The following BABAM2 variants were observed in gnomAD, a reference collection of about 807,000 sequenced individuals.
The protein encoded by BABAM2 is BRISC and BRCA1-A complex member 2.
In BABAM2, 31 loss-of-function variants were observed where a neutral mutation model predicts 54.7. The ratio of observed to expected loss-of-function variants is 0.57; its 90% confidence interval spans 0.43 to 0.77. BABAM2 has a LOEUF of 0.77. BABAM2 is among the 30% of genes least tolerant of loss of function. The pLI is 0.00. For missense variants in BABAM2, 364 were observed against 455.8 expected (o/e 0.80, Z 1.83); for synonymous variants, 167 against 162.9 (o/e 1.03, Z -0.19).
At chr2:28,258,675 G>A (rs1233759204) in intron 10 of BABAM2, among the ~76,000 whole-genome samples, 7 of 134,602 alleles carry the variant, frequency 5.2e-5, no homozygotes, top group South Asian at 2.4e-4. Flanking sequence ...GTGCAGTGGC[G>A]CCATCAGGCT....
chr2:27,972,858 C>G (rs908131910), intron 3 of BABAM2, among the ~76,000 whole-genome samples: 1 of 151,012 alleles, frequency 6.6e-6, no homozygotes, highest in Non-Finnish European at 1.5e-5. Flanking sequence ...CCTCCACCTC[C>G]CAGGTTCAAG....
chr2:28,021,921 C>G (rs1004609899), intron 4 of BABAM2, among the ~76,000 whole-genome samples: 23 of 152,068 alleles, frequency 1.5e-4, no homozygotes, highest in Admixed American at 1.2e-3. Flanking sequence ...TATAGGTATC[C>G]TCGCGCATGT....
In BABAM2 at chr2:27,995,386, A is replaced by G. The variant is rs1458502978; in HGVS notation, c.300+7299A>G. Among the ~76,000 whole-genome samples the G allele has an allele frequency of 6.6e-6, 1 of 152,128 alleles. No individual in the cohort carries two copies. Among genetic ancestry groups the G allele is most frequent in the Admixed American group, 6.5e-5 (1 of 15,268 alleles). ...ACTGTTCCTCCATCACTCTCTGTTG[A>G]CAAGCTGAACACTGCACCCACTGGC... On this transcript the variant is annotated intron_variant, in intron 4 of 11. Coordinates refer to ENST00000379624, the MANE Select transcript of BABAM2 (RefSeq NM_199191.3). This position sits in a 1 kb window ranked among gnomAD's most constrained non-coding sequence, Gnocchi z 4.1.
chr2:28,228,865 G>C (rs1200818376), intron 7 of BABAM2, among the ~76,000 whole-genome samples: 3 of 152,176 alleles, frequency 2.0e-5, no homozygotes, highest in African/African-American at 7.2e-5. Context: ...AGGCTTGTTT[G>C]AGATGTTAAC....
intron 7 of BABAM2, among the ~76,000 whole-genome samples, chr2:28,131,055 A>T (rs1457911131): frequency 2.7e-4 from 3 of 10,998 alleles, no homozygotes; most frequent in Non-Finnish European, 4.2e-4. Flanking sequence ...AGAGTGTTTT[A>T]TTATTATTAT....
intron 3 of BABAM2, 71 bp from the exon 4 acceptor site, chr2:27,987,922 C>T: frequency 4.7e-6 from 6 of 1,283,818 alleles, no homozygotes; most frequent in South Asian, 4.2e-5. Context: ...AGAAGTTTTT[C>T]TGATACAGTC....
At chr2:28,180,884 A>T (rs1675554643) in intron 7 of BABAM2, among the ~76,000 whole-genome samples, 1 of 152,226 alleles carries the variant, frequency 6.6e-6, no homozygotes, top group African/African-American at 2.4e-5. Flanking sequence ...ATCATCAGGA[A>T]AATGAAAATC....
At chr2:28,202,968 A>C (rs1467308513) in intron 7 of BABAM2, among the ~76,000 whole-genome samples, 1 of 152,088 alleles carries the variant, frequency 6.6e-6, no homozygotes, top group Non-Finnish European at 1.5e-5. Context: ...CCACCCCCCC[A>C]CAGAAAGAAT....
rs1022167441 is a variant in BABAM2 at position 28,329,020 on chromosome 2, C to G, written c.1089-9430C>G. Among the ~76,000 whole-genome samples the G allele has an allele frequency of 2.0e-5, 3 of 152,294 alleles. No homozygotes were observed. The highest frequency in any genetic ancestry group is 7.2e-5 in the African/African-American group (3 of 41,566). On this transcript the variant is annotated intron_variant, in intron 11 of 11. Coordinates refer to ENST00000379624, the MANE Select transcript of BABAM2 (RefSeq NM_199191.3). This position sits in a 1 kb window ranked among gnomAD's most constrained non-coding sequence, Gnocchi z 4.2. ...ATTGTAATTCCAGTAGGAAAGAACC[C>G]TTTAGATGAGACTTCGTTGAACAAA...
intron 7 of BABAM2, among the ~76,000 whole-genome samples, chr2:28,139,020 C>T (rs1401588559): frequency 6.6e-6 from 1 of 152,194 alleles, no homozygotes; most frequent in Non-Finnish European, 1.5e-5. Flanking sequence ...GCCCACCACA[C>T]TCACAGCCTG....
intron 6 of BABAM2, among the ~76,000 whole-genome samples, chr2:28,056,530 G>A (rs1678440591): frequency 1.3e-5 from 2 of 151,846 alleles, no homozygotes; most frequent in Non-Finnish European, 2.9e-5. Context: ...GAATGTAGGT[G>A]TATCTCAAAT....
chr2:28,075,494 G>A (rs1416902781), intron 6 of BABAM2, among the ~76,000 whole-genome samples: 2 of 152,036 alleles, frequency 1.3e-5, no homozygotes, highest in Admixed American at 1.3e-4. Flanking sequence ...AAATTTCAAA[G>A]TATGGCCTCT....
intron 3 of BABAM2, among the ~76,000 whole-genome samples, chr2:27,980,590 G>C (rs1191072890): frequency 6.6e-6 from 1 of 152,198 alleles, no homozygotes; most frequent in Non-Finnish European, 1.5e-5. Context: ...GTTGAAGGTA[G>C]GAGCCTGAGA....
intron 4 of BABAM2, among the ~76,000 whole-genome samples, chr2:28,001,780 A>G (rs1420172371): frequency 6.6e-6 from 1 of 152,034 alleles, no homozygotes; most frequent in East Asian, 1.9e-4. Context: ...CACTTCTTCA[A>G]ACAATCAGAT....
chr2:28,175,121 C>T (rs1009505091), intron 7 of BABAM2, among the ~76,000 whole-genome samples: 4 of 152,192 alleles, frequency 2.6e-5, no homozygotes, highest in African/African-American at 9.7e-5. Flanking sequence ...AGGACTGGCT[C>T]TTCCCACTGC....
intron 3 of BABAM2, among the ~76,000 whole-genome samples, chr2:27,983,779 C>T (rs1416984093): frequency 1.3e-5 from 2 of 151,772 alleles, no homozygotes; most frequent in South Asian, 2.1e-4. Flanking sequence ...TACAGAAATG[C>T]GGTTGATTTT....
At chr2:28,151,230 A>G (rs537219083) in intron 7 of BABAM2, among the ~76,000 whole-genome samples, 6 of 152,286 alleles carry the variant, frequency 3.9e-5, no homozygotes, top group Non-Finnish European at 8.8e-5. Context: ...TTATGCCTAC[A>G]TGCTCCAGCC....
intron 7 of BABAM2, among the ~76,000 whole-genome samples, chr2:28,208,315 A>G (rs768445400): frequency 6.6e-6 from 1 of 152,208 alleles, no homozygotes; most frequent in Non-Finnish European, 1.5e-5. Flanking sequence ...ATATTGCTAT[A>G]AAAGAAAAAA....
At chr2:28,326,347 G>T (rs1221662303) in intron 11 of BABAM2, among the ~76,000 whole-genome samples, 2 of 152,168 alleles carry the variant, frequency 1.3e-5, no homozygotes, top group Non-Finnish European at 2.9e-5. Context: ...TGCTCTTGCA[G>T]CCCTGGGCAG....
Sources: gnomAD v4.1 joint callset for allele counts (sites outside exome capture counted in the v4.1 genomes callset) on GRCh38, gnomAD v4.1.1 for gene constraint, Gnocchi (gnomAD v3.1) non-coding constraint, MANE v1.5 for transcripts, NCBI Gene and HGNC (gene_info 2026-07-23, HGNC 2026-07-21) for gene names.